Variants in GALNTL6 observed in about 807,000 individuals in gnomAD.
GALNTL6 encodes the protein polypeptide N-acetylgalactosaminyltransferase like 6, also known as polypeptide N-acetylgalactosaminyltransferase-like 6.
GALNTL6 carries 46 observed loss-of-function variants against 73.7 expected under a neutral mutation model. The observed-to-expected ratio is 0.62, with a 90% CI of 0.49 to 0.80. The LOEUF (loss-of-function observed/expected upper bound fraction) is 0.80. GALNTL6 is among the 30% of genes least tolerant of loss of function. GALNTL6 has a pLI of 0.00. For missense variants in GALNTL6, 604 were observed against 755.0 expected (o/e 0.80, Z 2.34); for synonymous variants, 259 against 263.7 (o/e 0.98, Z 0.17).
At chr4:172,275,764 C>T (rs976211895) in intron 3 of GALNTL6, among the ~76,000 whole-genome samples, 7 of 152,138 alleles carry the variant, frequency 4.6e-5, no homozygotes, top group Non-Finnish European at 1.0e-4. Context: ...GGACACCAGC[C>T]TGGCCAACAT....
intron 3 of GALNTL6, among the ~76,000 whole-genome samples, chr4:172,283,243 T>G (rs1739127331): frequency 6.6e-6 from 1 of 152,178 alleles, no homozygotes; most frequent in Non-Finnish European, 1.5e-5. Flanking sequence ...TATAGAAGAA[T>G]AGTAAAGATG....
intron 5 of GALNTL6, among the ~76,000 whole-genome samples, chr4:172,429,102 C>T (rs1731335888): frequency 6.6e-6 from 1 of 151,848 alleles, no homozygotes; most frequent in South Asian, 2.1e-4. Flanking sequence ...AGGAACTAAT[C>T]CTATTCATGA....
intron 2 of GALNTL6, among the ~76,000 whole-genome samples, chr4:172,164,011 T>A (rs1162235095): frequency 6.6e-6 from 1 of 152,024 alleles, no homozygotes; most frequent in Non-Finnish European, 1.5e-5. Flanking sequence ...TTTAACTTTA[T>A]GCAGCATAAG....
intron 3 of GALNTL6, among the ~76,000 whole-genome samples, chr4:172,275,804 A>C (rs554498815): frequency 6.6e-6 from 1 of 152,256 alleles, no homozygotes; most frequent in South Asian, 2.1e-4. Flanking sequence ...TATAAATACA[A>C]AAATTAGCCA....
At chr4:172,011,652 T>G (rs1741010657) in intron 2 of GALNTL6, among the ~76,000 whole-genome samples, 1 of 152,030 alleles carries the variant, frequency 6.6e-6, no homozygotes, top group African/African-American at 2.4e-5. Context: ...CTATATTATT[T>G]TTCCCTTAAA....
intron 5 of GALNTL6, among the ~76,000 whole-genome samples, chr4:172,357,908 G>A (rs1742224537): frequency 6.6e-6 from 1 of 152,096 alleles, no homozygotes. Context: ...ATCCAACTTA[G>A]TGGAGACACA....
At chr4:172,264,555 AATATATATATATAT>A (rs201920170) in intron 3 of GALNTL6, among the ~76,000 whole-genome samples, 22,933 of 103,690 alleles carry the variant, frequency 0.22, 2,662 homozygotes, top group Middle Eastern at 0.26. Context: ...ATATATGCCA[AATATATATATATAT>A]ATATATATAT....
At chr4:172,487,299 T>TTCCC (rs201082596) in intron 5 of GALNTL6, among the ~76,000 whole-genome samples, 1 of 83,672 alleles carries the variant, frequency 1.2e-5, no homozygotes, top group Non-Finnish European at 2.5e-5. Context: ...TCTTTCCTTC[T>TTCCC]GTCTTTCTTT....
chr4:171,898,418 C>G (rs1443417074), intron 2 of GALNTL6, among the ~76,000 whole-genome samples: 2 of 152,114 alleles, frequency 1.3e-5, no homozygotes, highest in African/African-American at 4.8e-5. Flanking sequence ...ATCCTTAAAA[C>G]TATTACCTAT....
At chr4:172,264,483 TA>T (rs1738365422) in intron 3 of GALNTL6, among the ~76,000 whole-genome samples, 2 of 144,576 alleles carry the variant, frequency 1.4e-5, no homozygotes, top group African/African-American at 2.5e-5. Flanking sequence ...TATATATATA[TA>T]TATTTATACT....
At chr4:172,710,066 A>G (rs1734604066) in intron 5 of GALNTL6, among the ~76,000 whole-genome samples, 1 of 152,202 alleles carries the variant, frequency 6.6e-6, no homozygotes, top group African/African-American at 2.4e-5. Flanking sequence ...TTCACTAAAA[A>G]TTAAAGAGTA....
chr4:172,663,124 G>A (rs564250419), intron 5 of GALNTL6, among the ~76,000 whole-genome samples: 3 of 152,284 alleles, frequency 2.0e-5, no homozygotes, highest in African/African-American at 7.2e-5. Flanking sequence ...TGGGGCTGGA[G>A]AGGCAGCTGG....
At chr4:172,993,033 A>G (rs1266278031) in intron 10 of GALNTL6, among the ~76,000 whole-genome samples, 1 of 152,118 alleles carries the variant, frequency 6.6e-6, no homozygotes, top group African/African-American at 2.4e-5. Flanking sequence ...TAATTTTCCT[A>G]TGTCAGATTT....
chr4:172,749,383 A>C (rs1737297505), intron 5 of GALNTL6, among the ~76,000 whole-genome samples: 2 of 152,024 alleles, frequency 1.3e-5, no homozygotes, highest in South Asian at 4.2e-4. Flanking sequence ...TTTCACTTAA[A>C]ATTTTTTCAG....
At chr4:172,127,663 T>A (rs1733340296) in intron 2 of GALNTL6, among the ~76,000 whole-genome samples, 1 of 152,244 alleles carries the variant, frequency 6.6e-6, no homozygotes, top group African/African-American at 2.4e-5. Flanking sequence ...ATTTTGCCAA[T>A]AACTCATAAG....
intron 2 of GALNTL6, among the ~76,000 whole-genome samples, chr4:172,113,680 A>G (rs890565503): frequency 3.9e-5 from 6 of 152,088 alleles, no homozygotes; most frequent in African/African-American, 1.4e-4. Flanking sequence ...GCAAATAAAT[A>G]ATGATATACA....
intron 2 of GALNTL6, among the ~76,000 whole-genome samples, chr4:171,957,614 T>C (rs1579006320): frequency 6.6e-6 from 1 of 152,366 alleles, no homozygotes. Context: ...TATCAACGCA[T>C]TGCGGCATTT....
chr4:172,215,223 T>C (rs1018214132), intron 2 of GALNTL6, among the ~76,000 whole-genome samples: 2 of 152,190 alleles, frequency 1.3e-5, no homozygotes, highest in Admixed American at 6.5e-5. Flanking sequence ...GTATATTCTA[T>C]TGTTTTGGGA....
In GALNTL6 at chr4:172,904,240, A is replaced by C. The variant is rs556894899; in HGVS notation, c.1041+21333A>C. 6.6e-5 allele frequency among the ~76,000 whole-genome samples: 10 copies of C among 152,336 alleles called. No individual in the cohort carries two copies. In the South Asian group the frequency reaches 2.1e-3, roughly 32 times the overall value. On this transcript the variant is annotated intron_variant, in intron 8 of 12. Transcript: ENST00000506823. ...GGAGCAAAAGATGACAGGTGTATTC[A>C]GTGTAGCCTATAGGTTTATTGTAAC...
Sources: gnomAD v4.1 joint callset for allele counts (sites outside exome capture counted in the v4.1 genomes callset) on GRCh38, gnomAD v4.1.1 for gene constraint, MANE v1.5 for transcripts, NCBI Gene and HGNC (gene_info 2026-07-23, HGNC 2026-07-21) for gene names.